PLCG2: variants seen among roughly 807,000 people sequenced by gnomAD.
The protein encoded by PLCG2 is phospholipase C gamma 2, also known as 1-phosphatidylinositol 4,5-bisphosphate phosphodiesterase gamma-2.
A neutral mutation model predicts 175.6 loss-of-function variants in PLCG2; 69 were observed. The observed-to-expected ratio is 0.39, with a 90% CI of 0.32 to 0.48. The LOEUF (loss-of-function observed/expected upper bound fraction) is 0.48, where lower values mean the gene tolerates loss of function less well. Among genes scored for constraint, PLCG2 ranks in the 20% least tolerant of loss-of-function variants. The probability of loss-of-function intolerance (pLI) is 0.91; values close to 1 mark genes in which losing one functional copy is unlikely to be tolerated. For missense variants in PLCG2, 1,798 were observed against 1,650.9 expected, an observed-to-expected ratio of 1.09 and a Z score of -1.54; for synonymous variants, 827 against 624.0, an observed-to-expected ratio of 1.33 and a Z score of -4.85.
intron 2 of PLCG2, among the ~76,000 whole-genome samples, chr16:81,851,844 G>C (rs1287322883): frequency 1.3e-5 from 2 of 152,198 alleles, no homozygotes; most frequent in African/African-American, 2.4e-5. Context: ...CCACTGAGCT[G>C]TTTCTAATTG....
At chr16:81,935,409 C>A in intron 26 of PLCG2, 1 of 353,590 alleles carries the variant, frequency 2.8e-6, no homozygotes, top group Non-Finnish European at 3.9e-6. Flanking sequence ...AGGGCCTGGA[C>A]ATCTTTGGGG....
chr16:81,956,455 T>G (rs1306191455), intron 31 of PLCG2, among the ~76,000 whole-genome samples: 1 of 152,170 alleles, frequency 6.6e-6, no homozygotes, highest in Admixed American at 6.5e-5. Flanking sequence ...TATTTCAATG[T>G]TTTGCAATAA....
chr16:81,938,183 C>T (rs1405079209), intron 28 of PLCG2, among the ~76,000 whole-genome samples: 1 of 152,128 alleles, frequency 6.6e-6, no homozygotes, highest in Middle Eastern at 3.2e-3. Context: ...CTGGTGAGGT[C>T]AGCCTCTGGC....
At chr16:81,776,979 G>A (rs981652930), upstream of PLCG2, among the ~76,000 whole-genome samples, 3 of 152,040 alleles carry the variant, frequency 2.0e-5, no homozygotes, top group Non-Finnish European at 4.4e-5. Flanking sequence ...GCTAGGGGTT[G>A]GTTAGCAAAA....
chr16:81,769,983 G>T (rs1910242902), intron 2 of PLCG2, among the ~76,000 whole-genome samples: 1 of 152,192 alleles, frequency 6.6e-6, no homozygotes, highest in South Asian at 2.1e-4. Context: ...CAGTTCCACT[G>T]TGAGGATGAA....
chr16:81,808,691 C>G (rs1332529121), intron 2 of PLCG2, among the ~76,000 whole-genome samples: 1 of 151,526 alleles, frequency 6.6e-6, no homozygotes, highest in African/African-American at 2.4e-5. Flanking sequence ...GATGGGGTTT[C>G]ACTGTGTTAG....
chr16:81,891,087 C>T (rs962503798), intron 10 of PLCG2, among the ~76,000 whole-genome samples: 8 of 152,088 alleles, frequency 5.3e-5, no homozygotes, highest in African/African-American at 1.9e-4. Context: ...CGCTTCAACC[C>T]AGGAGGTGGA....
chr16:81,829,931 CTCTCGGTGGCA>C, intron 2 of PLCG2, among the ~76,000 whole-genome samples: 1 of 152,088 alleles, frequency 6.6e-6, no homozygotes, highest in Non-Finnish European at 1.5e-5. Flanking sequence ...CTTATTCTAC[CTCTCGGTGGCA>C]TCCCCACTAG....
intron 25 of PLCG2, 35 bp from the exon 26 acceptor site, chr16:81,934,394 G>T: frequency 3.0e-6 from 4 of 1,328,306 alleles, no homozygotes; most frequent in Non-Finnish European, 4.3e-6. Flanking sequence ...GGGATTTCTC[G>T]GGGGCGGGCA....
At chr16:81,899,738 G>A (rs1597117793) in intron 13 of PLCG2, among the ~76,000 whole-genome samples, 1 of 152,212 alleles carries the variant, frequency 6.6e-6, no homozygotes, top group African/African-American at 2.4e-5. Flanking sequence ...GTGCCCGATG[G>A]AGAAAACACC....
intron 8 of PLCG2, 122 bp from the exon 9 acceptor site, chr16:81,883,146 TA>T: frequency 1.3e-6 from 1 of 772,478 alleles, no homozygotes; most frequent in Non-Finnish European, 2.3e-6. Context: ...ACCTGGTACC[TA>T]ACACAGTGCC....
At chr16:81,784,499 C>G (rs57747833) in intron 1 of PLCG2, among the ~76,000 whole-genome samples, 5,305 of 152,282 alleles carry the variant, frequency 0.035, 277 homozygotes, top group African/African-American at 0.12. Context: ...ACCAGCCTCT[C>G]ACTCCTCCTT....
intron 5 of PLCG2, among the ~76,000 whole-genome samples, chr16:81,860,167 TTATTA>T (rs1327756395): frequency 2.1e-5 from 2 of 96,370 alleles, no homozygotes; most frequent in South Asian, 3.2e-4. Context: ...ATTATTATTA[TTATTA>T]TTTTTTTTTT....
At chr16:81,916,645 A>AT (rs995206945) in intron 19 of PLCG2, among the ~76,000 whole-genome samples, 16 of 149,068 alleles carry the variant, frequency 1.1e-4, no homozygotes, top group East Asian at 5.9e-4. Context: ...TACAGGACAT[A>AT]TTTTTTTTTT....
At chr16:81,916,137 T>TG (rs1491143440) in intron 19 of PLCG2, among the ~76,000 whole-genome samples, 5 of 150,946 alleles carry the variant, frequency 3.3e-5, no homozygotes, top group African/African-American at 1.2e-4. Flanking sequence ...TTCTTTCCTC[T>TG]GTTTTTTTAG....
At chr16:81,876,739 T>C (rs540359690) in intron 7 of PLCG2, among the ~76,000 whole-genome samples, 6 of 152,330 alleles carry the variant, frequency 3.9e-5, no homozygotes, top group African/African-American at 1.4e-4. Context: ...CCTGGGATGT[T>C]GCCCAGAGTG....
chr16:81,789,143 T>A (rs985679781), intron 2 of PLCG2, among the ~76,000 whole-genome samples: 1 of 152,112 alleles, frequency 6.6e-6, no homozygotes, highest in South Asian at 2.1e-4. Context: ...AAAATAAATA[T>A]ATACAAAAAA....
At chr16:81,867,508 G>A (rs1303904222) in intron 5 of PLCG2, among the ~76,000 whole-genome samples, 1 of 152,242 alleles carries the variant, frequency 6.6e-6, no homozygotes, top group African/African-American at 2.4e-5. Flanking sequence ...TCACCTGGAA[G>A]ATGGAGATGA....
chr16:81,921,041 T>G (rs1247380697), intron 20 of PLCG2, among the ~76,000 whole-genome samples, 157 bp from the exon 21 acceptor site: 1 of 152,214 alleles, frequency 6.6e-6, no homozygotes, highest in Non-Finnish European at 1.5e-5. Flanking sequence ...TATAGCTTCT[T>G]CCTGTGTCTA....
Sources: gnomAD v4.1 joint callset for allele counts (sites outside exome capture counted in the v4.1 genomes callset) on GRCh38, gnomAD v4.1.1 for gene constraint, MANE v1.5 for transcripts, NCBI Gene and HGNC (gene_info 2026-07-23, HGNC 2026-07-21) for gene names.